SCN8A: variants seen among roughly 807,000 people sequenced by gnomAD.
SCN8A encodes sodium voltage-gated channel alpha subunit 8, also known as sodium channel protein type 8 subunit alpha.
Under a neutral mutation model 184.1 loss-of-function variants are expected in SCN8A, and 30 were observed. The ratio of observed to expected loss-of-function variants is 0.16; its 90% CI spans 0.12 to 0.22. The LOEUF (loss-of-function observed/expected upper bound fraction) is 0.22. Among genes scored for constraint, SCN8A ranks in the 10% least tolerant of loss-of-function variants. The pLI, the probability that SCN8A is intolerant of heterozygous loss-of-function variation, is 1.00. For synonymous variants in SCN8A, 852 were observed against 907.0 expected, an observed-to-expected ratio of 0.94 and a Z score of 1.09; for missense variants, 1,057 against 2,498.9, an observed-to-expected ratio of 0.42 and a Z score of 12.30.
Position 51,624,637 on chromosome 12 carries a change from T to G in SCN8A, c.-55+33278T>G, listed in dbSNP as rs558754470. ...TTTAATTAGATCCCATTTGTCAATT[T>G]TGGCTTTTGTTGCCGTTGCTTTTGG... On this transcript the variant is annotated intron_variant, in intron 1 of 26. Transcript: ENST00000627620. Among the ~76,000 whole-genome samples, 20 of 152,298 alleles carry G rather than the reference T, an allele frequency of 1.3e-4. No homozygotes were observed. The East Asian group carries it at 2.9e-3, about 22-fold the overall frequency.
chr12:51,700,466 A>G (rs919473069), intron 7 of SCN8A, among the ~76,000 whole-genome samples: 19 of 152,226 alleles, frequency 1.2e-4, no homozygotes, highest in Admixed American at 1.2e-3. Flanking sequence ...TACTAAGACT[A>G]TTGCAGTCGA....
intron 12 of SCN8A, among the ~76,000 whole-genome samples, chr12:51,732,218 C>T (rs1249809568): frequency 6.6e-6 from 1 of 152,148 alleles, no homozygotes; most frequent in Non-Finnish European, 1.5e-5. Context: ...AGACTTACCT[C>T]TTTAATCCAT....
intron 1 of SCN8A, among the ~76,000 whole-genome samples, chr12:51,652,824 G>A (rs938513299): frequency 2.0e-5 from 3 of 152,106 alleles, no homozygotes; most frequent in Non-Finnish European, 2.9e-5. Flanking sequence ...TACTTTATTG[G>A]AAGATTTACC....
At chr12:51,728,612 T>G (rs1478046130) in intron 12 of SCN8A, among the ~76,000 whole-genome samples, 1 of 151,892 alleles carries the variant, frequency 6.6e-6, no homozygotes, top group African/African-American at 2.4e-5. Context: ...TCACGCACCT[T>G]TAGTCCCAGC....
chr12:51,736,387 T>C (rs184829759), intron 12 of SCN8A, among the ~76,000 whole-genome samples: 69 of 152,318 alleles, frequency 4.5e-4, no homozygotes, highest in African/African-American at 1.6e-3. Flanking sequence ...CGAGGGAACA[T>C]GTGTGGCATC....
chr12:51,631,209 C>T lies in SCN8A; in HGVS notation c.-54-31555C>T, dbSNP rs137967900. ...GTATTTTTGGCTGGCCCTTTTCTAT[C>T]TGTGCCATCTGTCACAGGGGTCATT... On this transcript the variant is annotated intron_variant, in intron 1 of 26. Coordinates refer to ENST00000627620, the MANE Select transcript of SCN8A (RefSeq NM_001330260.2). Among the ~76,000 whole-genome samples the T allele has an allele frequency of 2.1e-3, 319 of 152,310 alleles. 1 individual carries two copies. The highest frequency in any genetic ancestry group is 6.8e-3 in the Middle Eastern group (2 of 294).
At chr12:51,606,028 T>C (rs929230477) in intron 1 of SCN8A, among the ~76,000 whole-genome samples, 4 of 152,182 alleles carry the variant, frequency 2.6e-5, no homozygotes, top group Non-Finnish European at 4.4e-5. Context: ...TGTCAAGATT[T>C]TCTCCTCTGT....
chr12:51,739,159 G>T (rs999058595), intron 12 of SCN8A, among the ~76,000 whole-genome samples: 1 of 151,900 alleles, frequency 6.6e-6, no homozygotes, highest in Non-Finnish European at 1.5e-5. Context: ...TTCTTTTTTA[G>T]TATGAATAGC....
At chr12:51,730,547 G>GA (rs1244683156) in intron 12 of SCN8A, among the ~76,000 whole-genome samples, 1 of 152,052 alleles carries the variant, frequency 6.6e-6, no homozygotes, top group African/African-American at 2.4e-5. Flanking sequence ...CATGTCCTTA[G>GA]AAAATTTTAT....
chr12:51,629,960 C>T (rs908932724), intron 1 of SCN8A, among the ~76,000 whole-genome samples: 2 of 152,102 alleles, frequency 1.3e-5, no homozygotes, highest in Non-Finnish European at 2.9e-5. Context: ...AAAGCCTGTG[C>T]AATTCTATGG....
chr12:51,759,396 G>A (rs1942729608), intron 14 of SCN8A, among the ~76,000 whole-genome samples: 1 of 152,124 alleles, frequency 6.6e-6, no homozygotes, highest in African/African-American at 2.4e-5. Context: ...GTGGCTAAAG[G>A]GCAAGTAGTT....
At chr12:51,693,143 C>T (rs1275465689) in intron 6 of SCN8A, among the ~76,000 whole-genome samples, 3 of 152,142 alleles carry the variant, frequency 2.0e-5, no homozygotes, top group Admixed American at 1.3e-4. Flanking sequence ...TTTCTTTAAA[C>T]GTATACTTTG....
At chr12:51,613,535 C>G (rs1338579637) in intron 1 of SCN8A, among the ~76,000 whole-genome samples, 2 of 151,706 alleles carry the variant, frequency 1.3e-5, no homozygotes, top group African/African-American at 4.8e-5. Flanking sequence ...TGTTATTCAT[C>G]TTTTCAAAGA....
At chr12:51,738,815 A>G (rs1592136588) in intron 12 of SCN8A, among the ~76,000 whole-genome samples, 1 of 152,360 alleles carries the variant, frequency 6.6e-6, no homozygotes, top group East Asian at 1.9e-4. Context: ...AAGGGTCCAC[A>G]GACTCCTGTT....
At chr12:51,797,248 A>T (rs1938437778) in intron 26 of SCN8A, among the ~76,000 whole-genome samples, 1 of 152,236 alleles carries the variant, frequency 6.6e-6, no homozygotes, top group Non-Finnish European at 1.5e-5. Flanking sequence ...GAAGCGCACT[A>T]ATCCTTAACC....
At position 51,671,961 on chromosome 12, in the gene SCN8A, A is replaced by C. The variant is rs182094171; in HGVS notation, c.276+8868A>C. ...ATAAAAGATTCTGCTGATTTCAGAG[A>C]ATAGGGTGCCCCATCTACTGTTCAA... On this transcript the variant is annotated intron_variant, in intron 2 of 26. Coordinates refer to ENST00000627620, the MANE Select transcript of SCN8A (RefSeq NM_001330260.2). 6.2e-3 allele frequency among the ~76,000 whole-genome samples: 941 copies of C among 152,342 alleles called. 6 individuals are homozygous for C. Among genetic ancestry groups the C allele is most frequent in the Middle Eastern group, 0.027 (8 of 294 alleles).
chr12:51,729,933 T>C (rs1042518513), intron 12 of SCN8A, among the ~76,000 whole-genome samples: 2 of 152,218 alleles, frequency 1.3e-5, no homozygotes, highest in Non-Finnish European at 2.9e-5. Flanking sequence ...CCTATGTTTT[T>C]TGGTTTCTCA....
chr12:51,668,948 A>G (rs137874000), intron 2 of SCN8A, among the ~76,000 whole-genome samples: 350 of 152,312 alleles, frequency 2.3e-3, no homozygotes, highest in Non-Finnish European at 4.0e-3. Context: ...GTACTTACAC[A>G]AATCTAGACG....
intron 25 of SCN8A, among the ~76,000 whole-genome samples, chr12:51,791,102 T>C (rs1490769620): frequency 1.3e-5 from 2 of 152,174 alleles, no homozygotes; most frequent in Non-Finnish European, 2.9e-5. Context: ...GGAGATACCC[T>C]GCTCCTGATT....
Sources: gnomAD v4.1 joint callset for allele counts (sites outside exome capture counted in the v4.1 genomes callset) on GRCh38, gnomAD v4.1.1 for gene constraint, MANE v1.5 for transcripts, NCBI Gene and HGNC (gene_info 2026-07-23, HGNC 2026-07-21) for gene names.